Variants in RALGDS observed in about 807,000 individuals in gnomAD.
RALGDS encodes ral guanine nucleotide dissociation stimulator.
Under a neutral mutation model 99.8 loss-of-function variants are expected in RALGDS, and 44 were observed. The observed-to-expected ratio is 0.44, with a 90% CI of 0.35 to 0.57. The LOEUF (loss-of-function observed/expected upper bound fraction) is 0.57. RALGDS is among the 20% of genes least tolerant of loss of function. The probability of loss-of-function intolerance (pLI) is 0.01; values close to 1 mark genes in which losing one functional copy is unlikely to be tolerated. For missense variants in RALGDS, 1,022 were observed against 1,203.1 expected (o/e 0.85, Z 2.23); for synonymous variants, 529 against 505.0 (o/e 1.05, Z -0.64).
At chr9:133,123,109 T>G (rs1020889386), upstream of RALGDS, among the ~76,000 whole-genome samples, 1 of 151,900 alleles carries the variant, frequency 6.6e-6, no homozygotes, top group Non-Finnish European at 1.5e-5. Context: ...GGGAGGGTAA[T>G]GTGGGTGAGG....
At position 133,102,785 on chromosome 9, in the gene RALGDS, G is replaced by C. The variant is rs779207859; in HGVS notation, c.1907C>G (p.Thr636Ser). ...TTTGCTGCCCCGGCCTCACCTCTCAGTCTCGCTGAGCCGCTCCACGGCCCG... is the reference window on the plus strand; with the variant it reads ...TTTGCTGCCCCGGCCTCACCTCTCACTCTCGCTGAGCCGCTCCACGGCCCG... ...WFRAVERLSE[T>S]ESYNLSCELE... The change falls in exon 13 of 18, where the codon ACT becomes AGT. Residue 636 changes from threonine (T) to serine (S), a missense_variant. Transcript: ENST00000372050. The C allele has an allele frequency of 1.2e-6, 2 of 1,612,130 alleles. No individual in the cohort carries two copies. Among genetic ancestry groups the C allele is most frequent in the African/African-American group, 2.7e-5 (2 of 74,946 alleles).
At chr9:133,147,633 C>T (rs752328587) in intron 1 of RALGDS, among the ~76,000 whole-genome samples, 5 of 152,176 alleles carry the variant, frequency 3.3e-5, no homozygotes, top group East Asian at 1.9e-4. Flanking sequence ...GGGACCCTGC[C>T]GGGCTCTCCC....
At position 133,102,015 on chromosome 9, in the gene RALGDS, C is replaced by T; in HGVS notation, c.2134G>A (p.Ala712Thr). 6.4e-7 allele frequency: 1 copy of T among 1,553,164 alleles called. No individual in the cohort carries two copies. The highest frequency in any genetic ancestry group is 8.7e-7 in the Non-Finnish European group (1 of 1,147,896). The change falls in exon 15 of 18, where the codon GCC becomes ACC. Residue 712 changes from alanine (A) to threonine (T), a missense_variant. Ala to Thr is a moderately conservative substitution (Grantham distance 58, BLOSUM62 0). Transcript: ENST00000372050. Reference sequence around the variant, plus strand: ...TCCACGTCGGAGCTAGAGGAGCCGGCCGAGTGCACGCTGAGCGCGTCAGCG... The same window carrying T: ...TCCACGTCGGAGCTAGAGGAGCCGGTCGAGTGCACGCTGAGCGCGTCAGCG... The part of the protein sequence containing the change: ...DIADALSVHS[A>T]GSSSSDVEEI...
Position 133,107,210 on chromosome 9 carries a change from T to G in RALGDS, c.1288A>C (p.Ile430Leu). The change falls in exon 7 of 18, where the codon ATC (isoleucine) becomes CTC (leucine). Residue 430 changes from isoleucine to leucine, a missense_variant. Transcript: ENST00000372050. Reference sequence around the variant, plus strand: ...TTGAACTGGGTGACAGTGGCGCGGATGGTGGGCGCCAGGTGCTCCTTGCCC... The same window carrying G: ...TTGAACTGGGTGACAGTGGCGCGGAGGGTGGGCGCCAGGTGCTCCTTGCCC... Reference protein sequence around the residue: ...KKGKEHLAPTIRATVTQFNSV... With the variant: ...KKGKEHLAPTLRATVTQFNSV... The G allele has an allele frequency of 6.2e-7, 1 of 1,613,650 alleles. No homozygotes were observed. Among genetic ancestry groups the G allele is most frequent in the Non-Finnish European group, 8.5e-7 (1 of 1,179,988 alleles).
At chr9:133,111,224 G>A (rs975421204) in intron 2 of RALGDS, among the ~76,000 whole-genome samples, 1 of 152,128 alleles carries the variant, frequency 6.6e-6, no homozygotes, top group Non-Finnish European at 1.5e-5. Flanking sequence ...CTAGAGATGA[G>A]GAAACAGAGG....
At chr9:133,109,541 GCCCCGGCTCCGGCCCC>G in intron 4 of RALGDS, 69 bp downstream of exon 4, 1 of 1,272,126 alleles carries the variant, frequency 7.9e-7, no homozygotes, top group Non-Finnish European at 1.1e-6. Context: ...TGCCCAGCCA[GCCCCGGCTCCGGCCCC>G]AGCCCCATGT....
At chr9:133,111,701 G>A (rs1156690972) in intron 2 of RALGDS, among the ~76,000 whole-genome samples, 1 of 152,098 alleles carries the variant, frequency 6.6e-6, no homozygotes, top group Non-Finnish European at 1.5e-5. Context: ...GTCAGGCCCC[G>A]GCTCTCAACC....
intron 1 of RALGDS, among the ~76,000 whole-genome samples, chr9:133,140,714 G>C (rs904965326): frequency 6.6e-6 from 1 of 152,168 alleles, no homozygotes; most frequent in East Asian, 1.9e-4. Context: ...ACCCACGCAG[G>C]GTGGGTGGGG....
chr9:133,145,002 C>T (rs534445894), intron 1 of RALGDS, among the ~76,000 whole-genome samples: 1 of 152,304 alleles, frequency 6.6e-6, no homozygotes, highest in African/African-American at 2.4e-5. Context: ...TGCAGTCACA[C>T]GTCTACAAAA....
upstream of RALGDS, among the ~76,000 whole-genome samples, chr9:133,126,063 T>A (rs1832144661): frequency 6.6e-6 from 1 of 152,182 alleles, no homozygotes; most frequent in Non-Finnish European, 1.5e-5. Context: ...AACCCTGTGC[T>A]TGGCGGTTGG....
In RALGDS at chr9:133,112,034, G is replaced by A. The variant is rs58441904; in HGVS notation, c.294+8C>T. On this transcript the variant is annotated splice_region_variant and intron_variant, in intron 2 of 17. Transcript: ENST00000372050. ...GCGTCTCCCAGTGGAGACCCCGAGC[G>A]CACTCACCCCGAGCCAGCGCTGCCC... 13,898 of 1,560,838 alleles carry A rather than the reference G, an allele frequency of 8.9e-3. 918 individuals carry two copies. In the African/African-American group the frequency reaches 0.15, roughly 17 times the overall value.
At chr9:133,129,829 T>C (rs771095397) in intron 1 of RALGDS, among the ~76,000 whole-genome samples, 7 of 71,078 alleles carry the variant, frequency 9.8e-5, no homozygotes, top group Non-Finnish European at 1.3e-4. Flanking sequence ...TTTTTTTTTT[T>C]CCCTGAGATG....
upstream of RALGDS, among the ~76,000 whole-genome samples, chr9:133,135,901 T>A (rs551768594): frequency 4.6e-5 from 7 of 152,360 alleles, no homozygotes; most frequent in South Asian, 1.2e-3. Context: ...CAAGGCCAGC[T>A]GATACTTCTG....
intron 1 of RALGDS, 148 bp downstream of exon 1, chr9:133,120,824 C>T (rs1831892829): frequency 1.1e-6 from 1 of 927,156 alleles, no homozygotes; most frequent in East Asian, 3.4e-5. Context: ...CTGCAGAAGG[C>T]CCCGACCCCC....
chr9:133,123,971 T>G (rs111163023), upstream of RALGDS, among the ~76,000 whole-genome samples: 18 of 83,268 alleles, frequency 2.2e-4, no homozygotes, highest in African/African-American at 7.0e-4. Flanking sequence ...GACACACACA[T>G]AGAGACAGAG....
intron 1 of RALGDS, among the ~76,000 whole-genome samples, chr9:133,136,933 C>T (rs1832436766): frequency 6.6e-6 from 1 of 151,956 alleles, no homozygotes; most frequent in African/African-American, 2.4e-5. Flanking sequence ...AGCAAGACTT[C>T]GTCTCAAAAA....
At position 133,110,398 on chromosome 9, in the gene RALGDS, A is replaced by C. The variant is rs1588530683; in HGVS notation, c.386T>G (p.Val129Gly). 1.2e-6 allele frequency: 2 copies of C among 1,613,430 alleles called. No individual in the cohort carries two copies. The highest frequency in any genetic ancestry group is 1.7e-6 in the Non-Finnish European group (2 of 1,179,798). ...GAGGTCGCTGCCCTGGAAGGCTGGC[A>C]CCAGGTGCTCCACCAGCTTCTCCAG... is the stretch of plus-strand genomic sequence containing the variant. Reference protein sequence around the residue: ...GTLEKLVEHLVPAFQGSDLSY... With the variant: ...GTLEKLVEHLGPAFQGSDLSY... The change falls in exon 3 of 18, where the codon GTG (valine) becomes GGG (glycine). Residue 129 changes from valine (V) to glycine (G), a missense_variant. Around this residue, in one of 3 missense-constraint regions of RALGDS, gnomAD observed 17 missense variants for 39.3 expected, o/e 0.43. Coordinates refer to ENST00000372050, the MANE Select transcript of RALGDS (RefSeq NM_006266.4).
intron 8 of RALGDS, 112 bp from the exon 9 acceptor site, chr9:133,106,128 C>T (rs1831040588): frequency 1.2e-6 from 1 of 810,914 alleles, no homozygotes; most frequent in Non-Finnish European, 2.1e-6. Context: ...GAACGCAGCA[C>T]ACAGGGTACC....
At chr9:133,131,705 G>A (rs368379608), upstream of RALGDS, among the ~76,000 whole-genome samples, 12 of 152,226 alleles carry the variant, frequency 7.9e-5, no homozygotes, top group East Asian at 3.9e-4. Context: ...CCTCTCTTGC[G>A]CACAGTGACT....
Sources: gnomAD v4.1 joint callset for allele counts (sites outside exome capture counted in the v4.1 genomes callset) on GRCh38, gnomAD v4.1.1 for gene constraint, gnomAD v4.1.1 regional missense constraint, MANE v1.5 for transcripts, NCBI Gene and HGNC (gene_info 2026-07-23, HGNC 2026-07-21) for gene names.